Variants in HERC1 observed in about 807,000 individuals in gnomAD.
HERC1 encodes the protein HECT and RLD domain containing E3 ubiquitin protein ligase family member 1.
A neutral mutation model predicts 554.3 loss-of-function variants in HERC1; 160 were observed. That is an observed-to-expected ratio of 0.29 (90% CI 0.25 to 0.33). The LOEUF is 0.33. Ranked by LOEUF, HERC1 falls within the 10% of genes least tolerant of loss-of-function variation. HERC1 has a pLI of 1.00. For synonymous variants in HERC1, 2,175 were observed against 2,131.7 expected, an observed-to-expected ratio of 1.02 and a Z score of -0.56; for missense variants, 4,919 against 5,918.5, an observed-to-expected ratio of 0.83 and a Z score of 5.54.
In HERC1 at chr15:63,758,391, C is replaced by T. The variant is rs1480217406; in HGVS notation, c.1027-22G>A. On this transcript the variant is annotated intron_variant, in intron 3 of 77. Coordinates refer to ENST00000443617, the MANE Select transcript of HERC1 (RefSeq NM_003922.4). This position sits in a 1 kb window ranked among gnomAD's most constrained non-coding sequence, Gnocchi z 4.0. ...AAACCTATTAAAAATTTAAAATATG[C>T]AACAAATAGTCAAGACAGTTTTAGT... 12 of 1,539,522 alleles carry T rather than the reference C, an allele frequency of 7.8e-6. No homozygotes were observed. The highest frequency in any genetic ancestry group is 1.1e-5 in the Non-Finnish European group (12 of 1,125,660).
At chr15:63,632,023 G>A (rs1414274345) in intron 68 of HERC1, among the ~76,000 whole-genome samples, 1 of 152,066 alleles carries the variant, frequency 6.6e-6, no homozygotes, top group Non-Finnish European at 1.5e-5. Context: ...AATCCTTCTG[G>A]AGTTCCAGAT....
rs1268957987 is a variant in HERC1, at chr15:63,758,643, A to C, written c.1027-274T>G. Among the ~76,000 whole-genome samples, 1 of 152,228 alleles carries C rather than the reference A, an allele frequency of 6.6e-6. No homozygotes were observed. Among genetic ancestry groups the C allele is most frequent in the Non-Finnish European group, 1.5e-5 (1 of 68,032 alleles). On this transcript the variant is annotated intron_variant, in intron 3 of 77. Transcript: ENST00000443617. This position sits in a 1 kb window ranked among gnomAD's most constrained non-coding sequence, Gnocchi z 4.0. Reference sequence around the variant, plus strand: ...AAAACACTGTAGAAAAACAAAGCTTAAGAAATAAAGTAGAAAAAATCACCA... The same window carrying C: ...AAAACACTGTAGAAAAACAAAGCTTCAGAAATAAAGTAGAAAAAATCACCA...
intron 70 of HERC1, among the ~76,000 whole-genome samples, 158 bp from the exon 71 acceptor site, chr15:63,626,312 T>A (rs556075335): frequency 6.6e-6 from 1 of 152,222 alleles, no homozygotes; most frequent in African/African-American, 2.4e-5. Flanking sequence ...GGTGTGTGCA[T>A]TTGTGTTGGT....
intron 1 of HERC1, among the ~76,000 whole-genome samples, chr15:63,790,851 A>T (rs1417220905): frequency 2.6e-5 from 4 of 151,984 alleles, no homozygotes; most frequent in Non-Finnish European, 5.9e-5. Flanking sequence ...AAACAAAAAA[A>T]GTTTGTATGA....
chr15:63,787,177 G>A (rs2076482345), intron 1 of HERC1, among the ~76,000 whole-genome samples: 1 of 151,678 alleles, frequency 6.6e-6, no homozygotes, highest in Admixed American at 6.6e-5. Context: ...TTATTTTTGA[G>A]ATGGAGTCTC....
At chr15:63,671,893 T>C (rs937278402) in intron 39 of HERC1, among the ~76,000 whole-genome samples, 5 of 152,212 alleles carry the variant, frequency 3.3e-5, no homozygotes, top group Non-Finnish European at 7.3e-5. Flanking sequence ...AAACAGTCTC[T>C]TCCCTGAAGG....
Position 63,686,651 on chromosome 15 carries a change from A to G in HERC1, c.6049-116T>C. 3 of 822,048 alleles carry G rather than the reference A, an allele frequency of 3.6e-6. No homozygotes were observed. The South Asian group carries it at 5.3e-5, about 15-fold the overall frequency. 50.9% of individuals were successfully genotyped at this position (822,048 alleles called of 1,614,324 possible). On this transcript the variant is annotated intron_variant, in intron 33 of 77. Coordinates refer to ENST00000443617, the MANE Select transcript of HERC1 (RefSeq NM_003922.4). The stretch of plus-strand genomic sequence containing the variant: ...ATTTATTATGTATCTACTATGAATC[A>G]GTTACTGTGCAGGGCAACAGGAACA...
At chr15:63,662,383 G>C (rs1479656024) in intron 44 of HERC1, among the ~76,000 whole-genome samples, 1 of 151,834 alleles carries the variant, frequency 6.6e-6, no homozygotes, top group East Asian at 1.9e-4. Context: ...CCTACTTTAT[G>C]AATTTTTGGG....
At chr15:63,769,324 C>T (rs2075879452) in intron 2 of HERC1, among the ~76,000 whole-genome samples, 1 of 151,966 alleles carries the variant, frequency 6.6e-6, no homozygotes, top group African/African-American at 2.4e-5. Context: ...GAGGCTGAGG[C>T]AGGGAGAACT....
chr15:63,822,070 A>T (rs1448174799), intron 1 of HERC1, among the ~76,000 whole-genome samples: 1 of 152,216 alleles, frequency 6.6e-6, no homozygotes, highest in Non-Finnish European at 1.5e-5. Context: ...CTCTTTAAAC[A>T]GAAGCCTGAA....
rs368517086 is a variant in HERC1, at chr15:63,639,576, G to A, written c.11901+576C>T. ...AATTTATATTTGTCTGTTTCATATT[G>A]TATCAATGTTTATCCAAATGTTTGT... On this transcript the variant is annotated intron_variant, in intron 61 of 77. Transcript: ENST00000443617. 6.6e-5 allele frequency among the ~76,000 whole-genome samples: 10 copies of A among 152,196 alleles called. No individual in the cohort carries two copies. In the East Asian group the frequency reaches 9.6e-4, roughly 15 times the overall value.
chr15:63,684,885 T>C (rs2071664343), intron 34 of HERC1, among the ~76,000 whole-genome samples: 1 of 152,194 alleles, frequency 6.6e-6, no homozygotes, highest in African/African-American at 2.4e-5. Flanking sequence ...GGCAGGCGCC[T>C]GTAGTCCTAG....
At chr15:63,689,291 T>C (rs957164811) in intron 33 of HERC1, among the ~76,000 whole-genome samples, 1 of 152,198 alleles carries the variant, frequency 6.6e-6, no homozygotes, top group African/African-American at 2.4e-5. Flanking sequence ...GTTGAAGAGA[T>C]AATGAGAAGA....
At position 63,663,180 on chromosome 15, in the gene HERC1, G is replaced by A; in HGVS notation, c.8705C>T (p.Ala2902Val). 6.2e-7 allele frequency: 1 copy of A among 1,613,952 alleles called. No homozygotes were observed. Among genetic ancestry groups the A allele is most frequent in the Non-Finnish European group, 8.5e-7 (1 of 1,179,856 alleles). ...RAAGLYRSVQ[A>V]HRNQSRREGI... ...TTCTCTCCGACTTTGATTCCTGTGG[G>A]CCTGCACAGAGCGGTATAATCCCGC... The change falls in exon 44 of 78, where the codon GCC (alanine) becomes GTC (valine). Residue 2902 changes from alanine (A) to valine (V), a missense_variant. By Grantham distance (64) the Ala-to-Val change is moderately conservative (BLOSUM62 0). Transcript: ENST00000443617.
intron 34 of HERC1, among the ~76,000 whole-genome samples, chr15:63,682,439 C>A (rs535215863): frequency 2.6e-5 from 4 of 152,252 alleles, no homozygotes; most frequent in African/African-American, 9.6e-5. Context: ...TGTAGTTGCT[C>A]TCTCCTCCAG....
At chr15:63,685,158 A>G (rs368451078) in intron 34 of HERC1, among the ~76,000 whole-genome samples, 43 of 152,354 alleles carry the variant, frequency 2.8e-4, no homozygotes, top group African/African-American at 1.0e-3. Flanking sequence ...AGTTTCCACA[A>G]AACACCTCGA....
At chr15:63,743,365 G>A (rs1184323915) in intron 12 of HERC1, among the ~76,000 whole-genome samples, 3 of 149,072 alleles carry the variant, frequency 2.0e-5, no homozygotes, top group Admixed American at 6.8e-5. Flanking sequence ...AGGTTCAAGC[G>A]ATTCTCCTGC....
chr15:63,662,403 T>G (rs1219369343), intron 44 of HERC1, among the ~76,000 whole-genome samples: 4 of 152,192 alleles, frequency 2.6e-5, no homozygotes, highest in Admixed American at 2.6e-4. Flanking sequence ...GAAAAATCAT[T>G]ATGATTCACT....
chr15:63,791,070 T>C (rs1313244746), intron 1 of HERC1, among the ~76,000 whole-genome samples: 3 of 152,128 alleles, frequency 2.0e-5, no homozygotes, highest in Non-Finnish European at 4.4e-5. Flanking sequence ...GTTTGGAAAA[T>C]AAATAATAAA....
Sources: allele counts gnomAD v4.1 joint callset (sites outside exome capture counted in the v4.1 genomes callset), GRCh38; gene constraint gnomAD v4.1.1; non-coding constraint Gnocchi (gnomAD v3.1); transcripts MANE v1.5; gene names NCBI Gene and HGNC (gene_info 2026-07-23, HGNC 2026-07-21).